The following CEP164 variants were observed in gnomAD, a reference collection of about 807,000 sequenced individuals.
CEP164 encodes the protein centrosomal protein of 164 kDa.
A neutral mutation model predicts 182.7 loss-of-function variants in CEP164; 162 were observed. That is an observed-to-expected ratio of 0.89 (90% CI 0.78 to 1.01). The LOEUF (loss-of-function observed/expected upper bound fraction) is 1.01. Ranked by LOEUF, CEP164 falls within the 50% of genes least tolerant of loss-of-function variation. The pLI is 0.00. For missense variants in CEP164, 1,735 were observed against 1,790.4 expected (o/e 0.97, Z 0.56); for synonymous variants, 661 against 690.0 (o/e 0.96, Z 0.66).
intron 7 of CEP164, among the ~76,000 whole-genome samples, chr11:117,363,212 G>C (rs1158340245): frequency 1.3e-5 from 2 of 152,218 alleles, no homozygotes; most frequent in Non-Finnish European, 2.9e-5. Flanking sequence ...CCAGCAGAAA[G>C]CACCTTGGCC....
intron 5 of CEP164, among the ~76,000 whole-genome samples, chr11:117,361,425 A>G (rs1262398935): frequency 1.3e-5 from 2 of 151,234 alleles, no homozygotes; most frequent in Non-Finnish European, 2.9e-5. Flanking sequence ...ATTTTTTAGT[A>G]GAGACAGGGT....
intron 8 of CEP164, among the ~76,000 whole-genome samples, chr11:117,369,771 A>C (rs937854556): frequency 3.9e-5 from 6 of 152,178 alleles, no homozygotes; most frequent in African/African-American, 1.4e-4. Flanking sequence ...CTGTATTTCC[A>C]AGGGAGGGTT....
At chr11:117,336,179 G>C in intron 2 of CEP164, 1 of 1,583,988 alleles carries the variant, frequency 6.3e-7, no homozygotes, top group Non-Finnish European at 8.6e-7. Flanking sequence ...TGAGACTTGA[G>C]GGAAGGGTCC....
In CEP164 at chr11:117,338,549, G is replaced by C. The variant is rs1447006517; in HGVS notation, c.-21-17G>C. The C allele has an allele frequency of 1.3e-6, 2 of 1,565,862 alleles. No individual in the cohort carries two copies. Among genetic ancestry groups the C allele is most frequent in the East Asian group, 4.5e-5 (2 of 44,628 alleles). On this transcript the variant is annotated splice_polypyrimidine_tract_variant and intron_variant, in intron 2 of 32. Coordinates refer to ENST00000278935, the MANE Select transcript of CEP164 (RefSeq NM_014956.5). ...GTCACTGATTTTTCTCTTTTGGTGG[G>C]GGCCTCTGGGATCTAGGTGTTTGAG...
rs371048855 is a variant in CEP164, at chr11:117,412,069, C to T, written c.4287-3C>T. 2 of 1,613,986 alleles carry T rather than the reference C, an allele frequency of 1.2e-6. No homozygotes were observed. Among genetic ancestry groups the T allele is most frequent in the African/African-American group, 2.7e-5 (2 of 74,928 alleles). On this transcript the variant is annotated splice_region_variant and splice_polypyrimidine_tract_variant and intron_variant, in intron 32 of 32. Transcript: ENST00000278935. Reference sequence around the variant, plus strand: ...CTGCAGTTTTCCTTCACCTTGTGGCCAGACCTCTCTTCTCGTCAACACCCA... The same window carrying T: ...CTGCAGTTTTCCTTCACCTTGTGGCTAGACCTCTCTTCTCGTCAACACCCA...
rs773981726 is a variant in CEP164, at chr11:117,395,132, G to A, written c.2854G>A (p.Ala952Thr). The change falls in exon 23 of 33, where the codon GCC (alanine) becomes ACC (threonine). Residue 952 changes from alanine (A) to threonine (T), a missense_variant. Physicochemically the swap from Ala to Thr is moderately conservative, Grantham distance 58. Transcript: ENST00000278935. ...GTCTCTTCCCTGCAAGGAGGAGACC[G>A]CCCGGAGGGAGAAGCAGCAGCTGCT... ...LALLEVQEET[A>T]RREKQQLLDV... 3.3e-5 allele frequency: 53 copies of A among 1,614,190 alleles called. No homozygotes were observed. The highest frequency in any genetic ancestry group is 1.5e-4 in the African/African-American group (11 of 75,052).
chr11:117,363,568 A>C, intron 8 of CEP164, 62 bp downstream of exon 8: 1 of 1,188,170 alleles, frequency 8.4e-7, no homozygotes, highest in African/African-American at 1.5e-5. Flanking sequence ...TGTTTTTATT[A>C]AGCCCTGCTA....
intron 1 of CEP164, among the ~76,000 whole-genome samples, chr11:117,330,986 T>G (rs2036115440): frequency 6.6e-6 from 1 of 152,214 alleles, no homozygotes; most frequent in South Asian, 2.1e-4. Context: ...TACCACTGCG[T>G]AATCAACTCT....
chr11:117,356,468 C>T, intron 5 of CEP164: 1 of 1,281,826 alleles, frequency 7.8e-7, no homozygotes, highest in Non-Finnish European at 1.0e-6. Flanking sequence ...GGAACATCCT[C>T]AGGAGGTGGC....
At chr11:117,350,017 C>T (rs1271615701) in intron 4 of CEP164, among the ~76,000 whole-genome samples, 1 of 152,140 alleles carries the variant, frequency 6.6e-6, no homozygotes, top group Non-Finnish European at 1.5e-5. Context: ...TCGTGATCTG[C>T]CTGCCTTGGC....
chr11:117,404,854 C>T (rs2046501902), intron 27 of CEP164, among the ~76,000 whole-genome samples: 1 of 152,202 alleles, frequency 6.6e-6, no homozygotes, highest in South Asian at 2.1e-4. Context: ...GGCCTGACCA[C>T]TGAGGAGGAA....
intron 14 of CEP164, chr11:117,386,395 A>G (rs1268084314): frequency 1.3e-5 from 2 of 152,186 alleles, no homozygotes; most frequent in African/African-American, 4.8e-5. Context: ...AAGCAAAATA[A>G]CAGTCCTTAT....
intron 27 of CEP164, among the ~76,000 whole-genome samples, chr11:117,404,297 A>G (rs903584493): frequency 6.6e-6 from 1 of 152,126 alleles, no homozygotes; most frequent in Non-Finnish European, 1.5e-5. Flanking sequence ...GGATTTATCT[A>G]CCTTTGGTCT....
At position 117,370,170 on chromosome 11, in the gene CEP164, A is replaced by G. The variant is rs572107061; in HGVS notation, c.766-910A>G. On this transcript the variant is annotated intron_variant, in intron 8 of 32. Transcript: ENST00000278935. The stretch of plus-strand genomic sequence containing the variant: ...TAGACATCTCCCTTAAATCTCTTGT[A>G]CATCTAACCCTAACTTGGCATCTGC... Among the ~76,000 whole-genome samples the G allele has an allele frequency of 3.3e-4, 51 of 152,312 alleles. No individual in the cohort carries two copies. The South Asian group carries it at 0.01, about 31-fold the overall frequency.
intron 27 of CEP164, among the ~76,000 whole-genome samples, chr11:117,397,807 C>T (rs980605102): frequency 3.9e-5 from 6 of 152,174 alleles, no homozygotes; most frequent in South Asian, 2.1e-4. Flanking sequence ...TCCCACAACA[C>T]GTGGAAATTA....
chr11:117,367,835 C>CT (rs2041811507), intron 8 of CEP164, among the ~76,000 whole-genome samples: 2 of 152,172 alleles, frequency 1.3e-5, no homozygotes, highest in South Asian at 4.1e-4. Context: ...CCTGTATTCT[C>CT]TGATTTTTGA....
At chr11:117,387,020 G>C in intron 14 of CEP164, 183 bp from the exon 15 acceptor site, 1 of 613,588 alleles carries the variant, frequency 1.6e-6, no homozygotes, top group Non-Finnish European at 2.9e-6. Flanking sequence ...CCACAATGGG[G>C]CTTGTCCTAT....
chr11:117,345,853 A>G (rs980501318), intron 4 of CEP164, among the ~76,000 whole-genome samples: 7 of 151,946 alleles, frequency 4.6e-5, no homozygotes, highest in African/African-American at 7.3e-5. Context: ...ACACCTGGCT[A>G]ATTTTGTATT....
intron 4 of CEP164, among the ~76,000 whole-genome samples, chr11:117,349,524 T>C (rs939699316): frequency 1.3e-5 from 2 of 152,166 alleles, no homozygotes; most frequent in African/African-American, 4.8e-5. Context: ...GGTATTGCTC[T>C]GTTACCCAGG....
Sources: gnomAD v4.1 joint callset for allele counts (sites outside exome capture counted in the v4.1 genomes callset) on GRCh38, gnomAD v4.1.1 for gene constraint, MANE v1.5 for transcripts, NCBI Gene and HGNC (gene_info 2026-07-23, HGNC 2026-07-21) for gene names.